Variants in NCBP3 observed in about 807,000 individuals in gnomAD.
NCBP3 encodes nuclear cap binding subunit 3, also known as nuclear cap-binding protein subunit 3.
A neutral mutation model predicts 75.7 loss-of-function variants in NCBP3; 20 were observed. The ratio of observed to expected loss-of-function variants is 0.26; its 90% CI spans 0.19 to 0.38. The LOEUF is 0.38. NCBP3 is among the 10% of genes least tolerant of loss of function. The probability of loss-of-function intolerance (pLI) is 1.00; values close to 1 mark genes in which losing one functional copy is unlikely to be tolerated. For missense variants in NCBP3, 678 were observed against 796.9 expected (o/e 0.85, Z 1.80); for synonymous variants, 293 against 290.5 (o/e 1.01, Z -0.09).
At chr17:3,817,404 G>A (rs2053556179) in intron 10 of NCBP3, among the ~76,000 whole-genome samples, 1 of 152,118 alleles carries the variant, frequency 6.6e-6, no homozygotes, top group African/African-American at 2.4e-5. Flanking sequence ...GCTGAGGCAG[G>A]TGGATCACGA....
In NCBP3 at chr17:3,813,283, T is replaced by G. The variant is rs762900067; in HGVS notation, c.1628-4A>C. 1 of 1,613,690 alleles carries G rather than the reference T, an allele frequency of 6.2e-7. No homozygotes were observed. The highest frequency in any genetic ancestry group is 8.5e-7 in the Non-Finnish European group (1 of 1,179,950). ...CCTAGGCGAGTCCATAAATTACCTGTTTGGATGAGATGGCATTTCACTTTC... is the reference window on the plus strand; with the variant it reads ...CCTAGGCGAGTCCATAAATTACCTGGTTGGATGAGATGGCATTTCACTTTC... On this transcript the variant is annotated splice_polypyrimidine_tract_variant and splice_region_variant and intron_variant, in intron 12 of 12. Transcript: ENST00000389005.
At chr17:3,830,584 G>A (rs1250983538) in intron 3 of NCBP3, among the ~76,000 whole-genome samples, 1 of 152,162 alleles carries the variant, frequency 6.6e-6, no homozygotes, top group African/African-American at 2.4e-5. Context: ...AGCCTTATCA[G>A]GACTGCATAC....
At position 3,805,631 on chromosome 17, in the gene NCBP3, AGGAAG is replaced by A. The variant is rs2053328926; in HGVS notation, c.*7408_*7412del. ...GGAGTGGATTTTCTTGTCCTTTCTA[AGGAAG>A]GGGCTGGGAGGGCGAGGGCTGCACT... On this transcript the variant is annotated 3_prime_UTR_variant, in exon 13 of 13. Coordinates refer to ENST00000389005, the MANE Select transcript of NCBP3 (RefSeq NM_001114118.3). 6.6e-6 allele frequency: 1 copy of A among 152,278 alleles called. No homozygotes were observed. The highest frequency in any genetic ancestry group is 1.5e-5 in the Non-Finnish European group (1 of 68,124). The allele number at this position is 152,278 out of a possible 1,614,324, so 9.4% of individuals were successfully genotyped here.
At chr17:3,845,248 T>A (rs1408583530) in intron 1 of NCBP3, among the ~76,000 whole-genome samples, 3 of 152,206 alleles carry the variant, frequency 2.0e-5, no homozygotes, top group Non-Finnish European at 4.4e-5. Context: ...TACTTTAACC[T>A]TTCTCCATAA....
Position 3,814,399 on chromosome 17 carries a change from G to C in NCBP3, c.1550C>G (p.Ser517Cys). 5.0e-6 allele frequency: 8 copies of C among 1,614,216 alleles called. No homozygotes were observed. The highest frequency in any genetic ancestry group is 6.8e-6 in the Non-Finnish European group (8 of 1,180,038). ...SNPVVRREPS[S>C]DVHSRLGVPR... ...AACACCTAGCCTACTATGCACATCA[G>C]AAGAGGGCTCTCTCCGAACGACGGG... The change falls in exon 12 of 13, where the codon TCT becomes TGT. Residue 517 changes from serine to cysteine, a missense_variant. By Grantham distance (112) the Ser-to-Cys change is moderately radical. Coordinates refer to ENST00000389005, the MANE Select transcript of NCBP3 (RefSeq NM_001114118.3).
At chr17:3,835,363 C>A (rs1033100830) in intron 3 of NCBP3, among the ~76,000 whole-genome samples, 1 of 152,194 alleles carries the variant, frequency 6.6e-6, no homozygotes, top group Non-Finnish European at 1.5e-5. Context: ...ACAGTCCTGC[C>A]GTTCTCTCTG....
At position 3,824,970 on chromosome 17, in the gene NCBP3, A is replaced by G; in HGVS notation, c.768T>C (p.Asn256=). 2 of 1,542,542 alleles carry G rather than the reference A, an allele frequency of 1.3e-6. No individual in the cohort carries two copies. The highest frequency in any genetic ancestry group is 1.8e-6 in the Non-Finnish European group (2 of 1,142,042). ...TTGTAGCAAATCTCATGAATAACCT[A>G]TTTCCTTTAGCAAGTTTGTTAGCTG... ...LRPANKLAKG[N]RLFMRFATKD... The change falls in exon 7 of 13, where the codon AAT becomes AAC. Residue 256 remains asparagine, a synonymous_variant. Coordinates refer to ENST00000389005, the MANE Select transcript of NCBP3 (RefSeq NM_001114118.3).
Position 3,807,854 on chromosome 17 carries a change from T to G in NCBP3, c.*5190A>C, listed in dbSNP as rs565423133. 1.3e-5 allele frequency: 2 copies of G among 152,172 alleles called. No individual in the cohort carries two copies. Among genetic ancestry groups the G allele is most frequent in the Non-Finnish European group, 2.9e-5 (2 of 68,064 alleles). 9.4% of individuals were successfully genotyped at this position (152,172 alleles called of 1,614,324 possible). A position where few individuals can be genotyped will look rare whatever the true frequency, so the allele number is the denominator to read the frequency against. ...CCACTCAACAAGCAGACACGGTCCC[T>G]GCTCTCACGGAGCTTACAGTCTAGC... On this transcript the variant is annotated 3_prime_UTR_variant, in exon 13 of 13. Transcript: ENST00000389005.
chr17:3,832,501 G>GT lies in NCBP3; in HGVS notation c.356-3134_356-3133insA, dbSNP rs1567591953. 6.0e-5 allele frequency among the ~76,000 whole-genome samples: 7 copies of GT among 116,526 alleles called. 1 individual carries two copies. The highest frequency in any genetic ancestry group is 1.8e-4 in the African/African-American group (7 of 38,536). The allele number at this position is 116,526 out of a possible 152,430, so 76.4% of individuals were successfully genotyped here. On this transcript the variant is annotated intron_variant, in intron 3 of 12. Coordinates refer to ENST00000389005, the MANE Select transcript of NCBP3 (RefSeq NM_001114118.3). ...AAACAATTAGCCAGGTGTGGTGGCAGGCACCTGTAGTCCCAGCTACTCGGG... is the reference window on the plus strand; with the variant it reads ...AAACAATTAGCCAGGTGTGGTGGCAGTGCACCTGTAGTCCCAGCTACTCGGG...
At chr17:3,833,794 A>AT (rs985609332) in intron 3 of NCBP3, among the ~76,000 whole-genome samples, 3 of 151,900 alleles carry the variant, frequency 2.0e-5, no homozygotes, top group Non-Finnish European at 4.4e-5. Context: ...TATTTTTGTC[A>AT]TTTTTTGGTC....
At chr17:3,841,987 G>A (rs1186455449) in intron 2 of NCBP3, among the ~76,000 whole-genome samples, 2 of 152,020 alleles carry the variant, frequency 1.3e-5, no homozygotes, top group Non-Finnish European at 2.9e-5. Context: ...CAGAAAAAAT[G>A]TCTAAAACGG....
At chr17:3,826,920 G>A (rs1454299320) in intron 4 of NCBP3, among the ~76,000 whole-genome samples, 8 of 147,180 alleles carry the variant, frequency 5.4e-5, no homozygotes, top group Non-Finnish European at 1.2e-4. Context: ...GGCTGAGGCA[G>A]AATGGCGTGA....
Position 3,818,629 on chromosome 17 carries a change from T to A in NCBP3, c.1001-57A>T, listed in dbSNP as rs1397630064. ...AAGCACTAAAATTAACAAGTATGAT[T>A]TTCTACTCTACATCGGTGACCTTTT... On this transcript the variant is annotated intron_variant, in intron 9 of 12. Transcript: ENST00000389005. The surrounding 1 kb of genome is among the most constrained non-coding windows in gnomAD (Gnocchi z 4.7). 2.6e-6 allele frequency: 4 copies of A among 1,537,710 alleles called. No homozygotes were observed. The Admixed American group carries it at 5.9e-5, about 23-fold the overall frequency.
In NCBP3 at chr17:3,826,206, A is replaced by G; in HGVS notation, c.491T>C (p.Val164Ala). ...TGTGGCTGTCATTTCATCCAGCCAAACTACATTACCTAAAATAAAATGTAA... is the reference window on the plus strand; with the variant it reads ...TGTGGCTGTCATTTCATCCAGCCAAGCTACATTACCTAAAATAAAATGTAA... Reference protein sequence around the residue: ...EWLDDTSCNVVWLDEMTATRA... With the variant: ...EWLDDTSCNVAWLDEMTATRA... The change falls in exon 5 of 13, where the codon GTT becomes GCT. Residue 164 changes from valine to alanine, a missense_variant. Coordinates refer to ENST00000389005, the MANE Select transcript of NCBP3 (RefSeq NM_001114118.3). 6.5e-7 allele frequency: 1 copy of G among 1,548,100 alleles called. No individual in the cohort carries two copies. Among genetic ancestry groups the G allele is most frequent in the Non-Finnish European group, 8.7e-7 (1 of 1,145,686 alleles).
At chr17:3,836,664 A>AAAG (rs2053977824) in intron 3 of NCBP3, among the ~76,000 whole-genome samples, 1 of 151,862 alleles carries the variant, frequency 6.6e-6, no homozygotes, top group African/African-American at 2.4e-5. Context: ...CAAAAAAAAA[A>AAAG]AAAAAAAAAA....
chr17:3,825,758 A>G lies in NCBP3; in HGVS notation c.687+9T>C. The G allele has an allele frequency of 6.5e-7, 1 of 1,538,984 alleles. No individual in the cohort carries two copies. ...ATAACTTTACATCTATCTTTCCCCT[A>G]TTACTAACCTCTACATCACTTGAGT... On this transcript the variant is annotated intron_variant, in intron 6 of 12. Transcript: ENST00000389005.
Position 3,821,763 on chromosome 17 carries a change from T to C in NCBP3, c.896+190A>G, listed in dbSNP as rs552808745. On this transcript the variant is annotated intron_variant, in intron 8 of 12. Transcript: ENST00000389005. Reference sequence around the variant, plus strand: ...AACTACACGTTGACACAATGTTAGGTACTAACACAGATATTTTAAATGTAA... The same window carrying C: ...AACTACACGTTGACACAATGTTAGGCACTAACACAGATATTTTAAATGTAA... Among the ~76,000 whole-genome samples the C allele has an allele frequency of 9.9e-5, 15 of 152,276 alleles. No individual in the cohort carries two copies. In the East Asian group the frequency reaches 1.7e-3, roughly 18 times the overall value.
chr17:3,830,916 T>C (rs1390958425), intron 3 of NCBP3, among the ~76,000 whole-genome samples: 1 of 151,166 alleles, frequency 6.6e-6, no homozygotes, highest in Non-Finnish European at 1.5e-5. Context: ...TTTTTTTTTT[T>C]TTCTTTTTTT....
chr17:3,829,116 TG>T, intron 4 of NCBP3, 126 bp downstream of exon 4: 1 of 1,078,046 alleles, frequency 9.3e-7, no homozygotes, highest in Non-Finnish European at 1.3e-6. Flanking sequence ...TTTTCTCTCC[TG>T]GACTAACAGC....
Sources: gnomAD v4.1 joint callset for allele counts (sites outside exome capture counted in the v4.1 genomes callset) on GRCh38, gnomAD v4.1.1 for gene constraint, Gnocchi (gnomAD v3.1) non-coding constraint, MANE v1.5 for transcripts, NCBI Gene and HGNC (gene_info 2026-07-23, HGNC 2026-07-21) for gene names.